Variants in NOSTRIN observed in about 807,000 individuals in gnomAD.
NOSTRIN encodes the protein nitric oxide synthase trafficking, also known as BM247 homolog.
NOSTRIN carries 63 observed loss-of-function variants against 59.0 expected under a neutral mutation model. The observed-to-expected ratio is 1.07, with a 90% CI of 0.87 to 1.32. The LOEUF is 1.32. Among genes scored for constraint, NOSTRIN ranks in the 40% most tolerant of loss-of-function variants. The pLI is 0.00. For synonymous variants in NOSTRIN, 200 were observed against 165.4 expected, an observed-to-expected ratio of 1.21 and a Z score of -1.61; for missense variants, 512 against 473.1, an observed-to-expected ratio of 1.08 and a Z score of -0.76.
At chr2:168,836,341 C>A (rs923105202) in intron 7 of NOSTRIN, among the ~76,000 whole-genome samples, 1 of 152,182 alleles carries the variant, frequency 6.6e-6, no homozygotes, top group Non-Finnish European at 1.5e-5. Context: ...CTTCCTACCC[C>A]CATCAGCAGC....
intron 2 of NOSTRIN, among the ~76,000 whole-genome samples, chr2:168,824,107 CCT>C (rs1178722401): frequency 6.6e-6 from 1 of 152,008 alleles, no homozygotes; most frequent in Non-Finnish European, 1.5e-5. Context: ...AAAACAGAAA[CCT>C]CTGTCTTTTT....
At chr2:168,852,174 C>T (rs540532978) in intron 10 of NOSTRIN, among the ~76,000 whole-genome samples, 30 of 152,282 alleles carry the variant, frequency 2.0e-4, no homozygotes, top group Admixed American at 7.2e-4. Flanking sequence ...GCAGCCCATA[C>T]TCAAAGGTGG....
At chr2:168,828,389 T>C (rs375296558) in intron 4 of NOSTRIN, 31 bp from the exon 5 acceptor site, 171 of 866,850 alleles carry the variant, frequency 2.0e-4, no homozygotes, top group Middle Eastern at 2.2e-4. Context: ...GCTGATATTA[T>C]GCTTATGTGT....
At chr2:168,849,165 C>T (rs532838784) in intron 8 of NOSTRIN, among the ~76,000 whole-genome samples, 8 of 152,190 alleles carry the variant, frequency 5.3e-5, no homozygotes, top group African/African-American at 1.9e-4. Context: ...TGAGACATAC[C>T]CATCTTTCTT....
chr2:168,841,040 C>T (rs58390009), intron 7 of NOSTRIN, among the ~76,000 whole-genome samples: 9,563 of 151,702 alleles, frequency 0.063, 906 homozygotes, highest in African/African-American at 0.21. Context: ...ATCGCTTGAG[C>T]CCAGGAGTTG....
rs112465105 is a variant in NOSTRIN, at chr2:168,823,263, A to G, written c.114-1371A>G. 5.6e-3 allele frequency among the ~76,000 whole-genome samples: 846 copies of G among 151,968 alleles called. 1 individual carries two copies. The highest frequency in any genetic ancestry group is 7.2e-3 in the Non-Finnish European group (492 of 67,954). On this transcript the variant is annotated intron_variant, in intron 2 of 15. Coordinates refer to ENST00000317647, the MANE Select transcript of NOSTRIN (RefSeq NM_001039724.4). ...GATCTCCTGACCTTGTGATCCGCCCACCTCGGCCTCCCAAAATGCTAGGAT... is the reference window on the plus strand; with the variant it reads ...GATCTCCTGACCTTGTGATCCGCCCGCCTCGGCCTCCCAAAATGCTAGGAT...
At position 168,851,181 on chromosome 2, in the gene NOSTRIN, C is replaced by T; in HGVS notation, c.728C>T (p.Thr243Ile). The T allele has an allele frequency of 6.2e-7, 1 of 1,614,122 alleles. No homozygotes were observed. The highest frequency in any genetic ancestry group is 8.5e-7 in the Non-Finnish European group (1 of 1,179,952). Reference protein sequence around the residue: ...HISLFGQTLTTCHTQIHCAIS... With the variant: ...HISLFGQTLTICHTQIHCAIS... ...TCTCTTTTTGGCCAAACCCTGACCA[C>T]AGTGAGTAGAGATGATCTCTCCATT... Residue 243 changes from threonine (T) to isoleucine (I), a missense_variant and splice_region_variant, in exon 9 of 16, where the codon ACA (threonine) becomes ATA (isoleucine). By Grantham distance (89) the Thr-to-Ile change is moderately conservative. Transcript: ENST00000317647.
chr2:168,850,596 ATT>A (rs546749506), intron 8 of NOSTRIN, among the ~76,000 whole-genome samples: 6,715 of 139,084 alleles, frequency 0.048, 303 homozygotes, highest in African/African-American at 0.16. Context: ...ATTCTTCCCA[ATT>A]TTTTTTTTTT....
chr2:168,837,269 C>A (rs947645560), intron 7 of NOSTRIN, among the ~76,000 whole-genome samples: 4 of 78,148 alleles, frequency 5.1e-5, no homozygotes, highest in Admixed American at 2.4e-4. Context: ...TACAATACAT[C>A]TTTTTTTTTT....
chr2:168,824,866 C>T, intron 3 of NOSTRIN, 149 bp downstream of exon 3: 1 of 601,142 alleles, frequency 1.7e-6, no homozygotes, highest in Admixed American at 2.3e-5. Context: ...ACCCTCAATC[C>T]CCCAGGCTCA....
At chr2:168,864,342 A>G (rs1328475438) in intron 15 of NOSTRIN, among the ~76,000 whole-genome samples, 2 of 149,720 alleles carry the variant, frequency 1.3e-5, no homozygotes, top group South Asian at 2.1e-4. Context: ...GCTAGAGTGC[A>G]GTGGCATGAT....
In NOSTRIN at chr2:168,808,842, G is replaced by A. The variant is rs141293121; in HGVS notation, c.28-2725G>A. The stretch of plus-strand genomic sequence containing the variant: ...TCCCAACGGGGATTTAAAAAGAAAT[G>A]TAATTAGACAAATGTTCATATGTTA... On this transcript the variant is annotated intron_variant, in intron 1 of 15. Transcript: ENST00000317647. Among the ~76,000 whole-genome samples, 308 of 152,246 alleles carry A rather than the reference G, an allele frequency of 2.0e-3. 2 individuals are homozygous for A. Among genetic ancestry groups the A allele is most frequent in the Middle Eastern group, 0.014 (4 of 294 alleles).
upstream of NOSTRIN, among the ~76,000 whole-genome samples, chr2:168,800,644 A>G (rs1158033815): frequency 6.6e-6 from 1 of 152,206 alleles, no homozygotes; most frequent in African/African-American, 2.4e-5. Flanking sequence ...AGATCACAGT[A>G]GGCTTTGTGT....
rs573486540 is a variant in NOSTRIN, at chr2:168,857,016, T to G, written c.1053+238T>G. Among the ~76,000 whole-genome samples the G allele has an allele frequency of 2.0e-5, 3 of 152,256 alleles. No homozygotes were observed. The East Asian group carries it at 5.8e-4, about 29-fold the overall frequency. On this transcript the variant is annotated intron_variant, in intron 12 of 15. Coordinates refer to ENST00000317647, the MANE Select transcript of NOSTRIN (RefSeq NM_001039724.4). ...AAGAATTGTGTCTAAAATAGTATTC[T>G]CCAAACAGAGTCGTTCTTTAAGGGC...
chr2:168,861,954 T>C lies in NOSTRIN; in HGVS notation c.1295-6T>C. 6.2e-7 allele frequency: 1 copy of C among 1,613,994 alleles called. No homozygotes were observed. The highest frequency in any genetic ancestry group is 8.5e-7 in the Non-Finnish European group (1 of 1,179,868). On this transcript the variant is annotated splice_polypyrimidine_tract_variant and splice_region_variant and intron_variant, in intron 14 of 15. Coordinates refer to ENST00000317647, the MANE Select transcript of NOSTRIN (RefSeq NM_001039724.4). ...AGCATACTAATTACAGCTTTATCTA[T>C]TTCAGCCCCTGGTGCAGCCCAGCTC... is the stretch of plus-strand genomic sequence containing the variant.
chr2:168,843,162 T>C, intron 8 of NOSTRIN, 45 bp downstream of exon 8: 1 of 843,340 alleles, frequency 1.2e-6, no homozygotes. Context: ...TGGAGCTTTG[T>C]GTGACCTTGA....
chr2:168,821,764 G>C lies in NOSTRIN; in HGVS notation c.114-2870G>C, dbSNP rs1686756858. Among the ~76,000 whole-genome samples the C allele has an allele frequency of 2.6e-5, 4 of 152,198 alleles. No individual in the cohort carries two copies. The South Asian group carries it at 8.3e-4, about 32-fold the overall frequency. ...GCAGAAGCTCTCGGCAGAGGCCACA[G>C]CAAGTGCAAAGGCCCTGAGGCAGGA... On this transcript the variant is annotated intron_variant, in intron 2 of 15. Transcript: ENST00000317647.
chr2:168,830,014 A>G (rs1687278004), intron 5 of NOSTRIN, among the ~76,000 whole-genome samples: 1 of 152,220 alleles, frequency 6.6e-6, no homozygotes, highest in Admixed American at 6.5e-5. Flanking sequence ...GTACATAGGT[A>G]TATTTTACCA....
chr2:168,843,937 G>A (rs1432318460), intron 8 of NOSTRIN, among the ~76,000 whole-genome samples: 1 of 152,142 alleles, frequency 6.6e-6, no homozygotes, highest in Admixed American at 6.5e-5. Flanking sequence ...AGAAAAAACT[G>A]TACGCAATCT....
Sources: gnomAD v4.1 joint callset for allele counts (sites outside exome capture counted in the v4.1 genomes callset) on GRCh38, gnomAD v4.1.1 for gene constraint, MANE v1.5 for transcripts, NCBI Gene and HGNC (gene_info 2026-07-23, HGNC 2026-07-21) for gene names.